The following CNTNAP2 variants were observed in gnomAD, a reference collection of about 807,000 sequenced individuals.
CNTNAP2 encodes the protein contactin-associated protein-like 2.
Under a neutral mutation model 155.2 loss-of-function variants are expected in CNTNAP2, and 98 were observed. That is an observed-to-expected ratio of 0.63 (90% CI 0.54 to 0.75). The LOEUF (loss-of-function observed/expected upper bound fraction) is 0.75, where lower values mean the gene tolerates loss of function less well. CNTNAP2 is among the 30% of genes least tolerant of loss of function. The pLI is 0.00. For synonymous variants in CNTNAP2, 651 were observed against 631.2 expected (o/e 1.03, Z -0.47); for missense variants, 1,727 against 1,688.1 (o/e 1.02, Z -0.40).
At chr7:147,117,464 G>A (rs926544219) in intron 5 of CNTNAP2, among the ~76,000 whole-genome samples, 2 of 152,056 alleles carry the variant, frequency 1.3e-5, no homozygotes, top group African/African-American at 2.4e-5. Flanking sequence ...TTCTCCTTGT[G>A]TGAAGTTGTT....
At chr7:147,197,624 G>A (rs1802833283) in intron 8 of CNTNAP2, among the ~76,000 whole-genome samples, 1 of 152,064 alleles carries the variant, frequency 6.6e-6, no homozygotes. Flanking sequence ...CCAATGAACA[G>A]GTTTTTCTCA....
chr7:147,839,396 A>C (rs1798688008), intron 13 of CNTNAP2, among the ~76,000 whole-genome samples: 1 of 152,176 alleles, frequency 6.6e-6, no homozygotes, highest in South Asian at 2.1e-4. Context: ...ATAGAAGAGA[A>C]AAAGAAGATA....
At chr7:147,418,107 C>T (rs570284032) in intron 10 of CNTNAP2, among the ~76,000 whole-genome samples, 7 of 152,168 alleles carry the variant, frequency 4.6e-5, no homozygotes, top group African/African-American at 9.6e-5. Context: ...TTTTACAAAG[C>T]GATGGAAAGC....
chr7:147,398,671 T>A (rs1449620495), intron 10 of CNTNAP2, among the ~76,000 whole-genome samples: 1 of 142,312 alleles, frequency 7.0e-6, no homozygotes, highest in Non-Finnish European at 1.5e-5. Flanking sequence ...GAACGCAGCT[T>A]TGAATCAAGG....
At chr7:146,396,002 ATAAGT>A (rs1447832906) in intron 1 of CNTNAP2, among the ~76,000 whole-genome samples, 1 of 152,094 alleles carries the variant, frequency 6.6e-6, no homozygotes, top group Non-Finnish European at 1.5e-5. Context: ...CAAATTTCAG[ATAAGT>A]TAACATTCCC....
intron 13 of CNTNAP2, among the ~76,000 whole-genome samples, chr7:147,799,092 G>C (rs780294281): frequency 6.6e-6 from 1 of 152,226 alleles, no homozygotes; most frequent in Non-Finnish European, 1.5e-5. Context: ...GAAAGAAGGA[G>C]AGTTTCAGGC....
chr7:148,303,776 A>G (rs975085274), intron 21 of CNTNAP2, among the ~76,000 whole-genome samples: 6 of 152,234 alleles, frequency 3.9e-5, no homozygotes, highest in African/African-American at 1.4e-4. Flanking sequence ...TTGCTGGGAC[A>G]AAGCCCAAGT....
At chr7:146,207,843 A>C (rs2116878715) in intron 1 of CNTNAP2, among the ~76,000 whole-genome samples, 1 of 152,132 alleles carries the variant, frequency 6.6e-6, no homozygotes, top group East Asian at 1.9e-4. Flanking sequence ...AGTTTAAATT[A>C]CTTTAAAATC....
chr7:148,131,223 C>T (rs918083082), intron 16 of CNTNAP2, among the ~76,000 whole-genome samples: 4 of 151,564 alleles, frequency 2.6e-5, no homozygotes, highest in Admixed American at 6.6e-5. Flanking sequence ...CTTGGCCTCC[C>T]GAGTAGCTGG....
At chr7:147,329,421 A>G (rs181592078) in intron 9 of CNTNAP2, among the ~76,000 whole-genome samples, 1 of 152,194 alleles carries the variant, frequency 6.6e-6, no homozygotes, top group East Asian at 1.9e-4. Flanking sequence ...TATAAGAATG[A>G]TAAAAGATCC....
At chr7:147,811,499 A>G (rs1017454910) in intron 13 of CNTNAP2, among the ~76,000 whole-genome samples, 4 of 152,272 alleles carry the variant, frequency 2.6e-5, no homozygotes, top group Admixed American at 1.3e-4. Flanking sequence ...GTTCTTGAAA[A>G]TATAATATTA....
chr7:147,044,219 GGTT>G (rs1799314373), intron 4 of CNTNAP2, among the ~76,000 whole-genome samples, 165 bp downstream of exon 4: 1 of 151,572 alleles, frequency 6.6e-6, no homozygotes, highest in Admixed American at 6.6e-5. Flanking sequence ...TATAATAAAA[GGTT>G]GTGTCTCTAT....
intron 2 of CNTNAP2, among the ~76,000 whole-genome samples, chr7:146,834,869 A>C (rs1803586333): frequency 6.6e-6 from 1 of 152,112 alleles, no homozygotes; most frequent in East Asian, 1.9e-4. Context: ...TAATCCTCGG[A>C]TCAATAGAGG....
At chr7:148,152,765 A>T (rs976724890) in intron 17 of CNTNAP2, among the ~76,000 whole-genome samples, 1 of 152,194 alleles carries the variant, frequency 6.6e-6, no homozygotes, top group Non-Finnish European at 1.5e-5. Context: ...TCACGCCTGT[A>T]ATCCCAGCAC....
At chr7:147,630,412 C>G (rs1169029980) in intron 12 of CNTNAP2, among the ~76,000 whole-genome samples, 2 of 151,382 alleles carry the variant, frequency 1.3e-5, no homozygotes, top group Non-Finnish European at 2.9e-5. Flanking sequence ...GAATCGACAC[C>G]AATCTTACTG....
In CNTNAP2 at chr7:147,128,746, G is replaced by T. The variant is rs1064793484; in HGVS notation, c.993G>T (p.Lys331Asn). 5.6e-6 allele frequency: 9 copies of T among 1,613,928 alleles called. No homozygotes were observed. The highest frequency in any genetic ancestry group is 1.1e-5 in the South Asian group (1 of 91,086). ...GCAAGCCCAGCTCCAGCAGTAGAAA[G>T]AATTTCAAAGGCTGCATGGAAAGCA... ...FSGKPSSSSR[K>N]NFKGCMESIN... Residue 331 changes from lysine (K) to asparagine (N), a missense_variant, in exon 7 of 24, where the codon AAG (lysine) becomes AAT (asparagine). Physicochemically the swap from Lys to Asn is moderately conservative, Grantham distance 94. Coordinates refer to ENST00000361727, the MANE Select transcript of CNTNAP2 (RefSeq NM_014141.6).
chr7:147,724,991 C>T (rs560815377), intron 13 of CNTNAP2, among the ~76,000 whole-genome samples: 50 of 152,084 alleles, frequency 3.3e-4, no homozygotes, highest in African/African-American at 1.0e-3. Context: ...GTCAAAGGGA[C>T]GGCCATTCTG....
At chr7:146,899,495 CAT>C (rs1795949129) in intron 3 of CNTNAP2, among the ~76,000 whole-genome samples, 1 of 72,358 alleles carries the variant, frequency 1.4e-5, no homozygotes, top group Non-Finnish European at 3.6e-5. Flanking sequence ...ACTTTCCCTG[CAT>C]GCATTGAACC....
intron 3 of CNTNAP2, among the ~76,000 whole-genome samples, chr7:146,902,979 T>A (rs1046657851): frequency 6.6e-6 from 1 of 152,198 alleles, no homozygotes; most frequent in Non-Finnish European, 1.5e-5. Context: ...GAGTAGAGCA[T>A]GCAGACTGCC....
Sources: allele counts gnomAD v4.1 joint callset (sites outside exome capture counted in the v4.1 genomes callset), GRCh38; gene constraint gnomAD v4.1.1; transcripts MANE v1.5; gene names NCBI Gene and HGNC (gene_info 2026-07-23, HGNC 2026-07-21).